Variants in ATG4B observed in about 807,000 individuals in gnomAD.
ATG4B encodes the protein cysteine protease ATG4B.
ATG4B carries 29 observed loss-of-function variants against 56.6 expected under a neutral mutation model. The ratio of observed to expected loss-of-function variants is 0.51; its 90% confidence interval spans 0.38 to 0.70. ATG4B has a LOEUF of 0.70. Among genes scored for constraint, ATG4B ranks in the 30% least tolerant of loss-of-function variants. The probability of loss-of-function intolerance (pLI) is 0.00; values close to 1 mark genes in which losing one functional copy is unlikely to be tolerated. For synonymous variants in ATG4B, 224 were observed against 206.1 expected (o/e 1.09, Z -0.74); for missense variants, 461 against 515.5 (o/e 0.89, Z 1.02).
chr2:241,659,216 G>A (rs2068513140), intron 7 of ATG4B, 29 bp downstream of exon 7: 2 of 1,598,512 alleles, frequency 1.3e-6, no homozygotes, highest in Non-Finnish European at 1.7e-6. Context: ...CCATGGACAA[G>A]AAAGTTGAAA....
chr2:241,644,667 C>T (rs1208402840), intron 1 of ATG4B, among the ~76,000 whole-genome samples: 2 of 151,940 alleles, frequency 1.3e-5, no homozygotes, highest in African/African-American at 2.4e-5. Flanking sequence ...TCAGAAGTGT[C>T]GGCCGGTTGC....
Position 241,673,134 on chromosome 2 carries a change from A to G in ATG4B, c.*870A>G, listed in dbSNP as rs1457406104. The G allele has an allele frequency of 1.1e-5, 2 of 187,512 alleles. No homozygotes were observed. The highest frequency in any genetic ancestry group is 2.3e-5 in the Non-Finnish European group (2 of 88,166). The allele number at this position is 187,512 out of a possible 1,614,324, so 11.6% of individuals were successfully genotyped here. A position where few individuals can be genotyped will look rare whatever the true frequency, so the allele number is the denominator to read the frequency against. ...CCTTCCCCATGTCCTTGCCTTGCTG[A>G]GAATTGCCCTCCCATGCCGCTGAGG... is the stretch of plus-strand genomic sequence containing the variant. On this transcript the variant is annotated 3_prime_UTR_variant, in exon 13 of 13. Coordinates refer to ENST00000404914, the MANE Select transcript of ATG4B (RefSeq NM_013325.5).
intron 1 of ATG4B, among the ~76,000 whole-genome samples, chr2:241,647,244 A>G (rs2068089216): frequency 6.6e-6 from 1 of 152,010 alleles, no homozygotes; most frequent in Non-Finnish European, 1.5e-5. Flanking sequence ...TTTAGTTCAA[A>G]GCTGGTGCCT....
At chr2:241,666,488 T>C (rs1367680197) in intron 7 of ATG4B, 157 bp from the exon 8 acceptor site, 17 of 756,088 alleles carry the variant, frequency 2.2e-5, no homozygotes, top group Middle Eastern at 2.4e-4. Context: ...GAAAAAATTT[T>C]CTTACGCTTT....
At chr2:241,646,279 G>T (rs1016649851) in intron 1 of ATG4B, among the ~76,000 whole-genome samples, 1 of 152,188 alleles carries the variant, frequency 6.6e-6, no homozygotes, top group African/African-American at 2.4e-5. Context: ...TTCAGAGGGA[G>T]CCTTTTTCCT....
intron 3 of ATG4B, among the ~76,000 whole-genome samples, chr2:241,653,089 A>G (rs2068270433): frequency 3.3e-5 from 5 of 152,256 alleles, no homozygotes; most frequent in Admixed American, 6.5e-5. Context: ...CTGTGCTGGA[A>G]GGGCTGAGTT....
At chr2:241,643,302 T>G (rs2067957792) in intron 1 of ATG4B, among the ~76,000 whole-genome samples, 4 of 151,428 alleles carry the variant, frequency 2.6e-5, no homozygotes, top group African/African-American at 9.7e-5. Context: ...CCTCCTGGGC[T>G]CAAGTGATCT....
chr2:241,645,813 G>C (rs2068044377), intron 1 of ATG4B, among the ~76,000 whole-genome samples: 1 of 152,126 alleles, frequency 6.6e-6, no homozygotes, highest in Non-Finnish European at 1.5e-5. Context: ...ACTAGCCCTA[G>C]GGGAATGTAT....
At chr2:241,662,261 A>G (rs986588169) in intron 7 of ATG4B, among the ~76,000 whole-genome samples, 1 of 152,204 alleles carries the variant, frequency 6.6e-6, no homozygotes, top group Admixed American at 6.5e-5. Context: ...TCCAAATAAT[A>G]GTATCACTAC....
At chr2:241,659,651 C>A (rs560819749) in intron 7 of ATG4B, 1 of 298,174 alleles carries the variant, frequency 3.4e-6, no homozygotes, top group South Asian at 2.9e-5. Context: ...GGAACCTGGG[C>A]GTGGCAACAT....
Position 241,659,085 on chromosome 2 carries a change from G to A in ATG4B, c.459-23G>A, listed in dbSNP as rs1349276975. 3 of 1,563,772 alleles carry A rather than the reference G, an allele frequency of 1.9e-6. No homozygotes were observed. The Admixed American group carries it at 5.3e-5, about 28-fold the overall frequency. ...GTCTTTGAATTGTACAAAAGCTTAT[G>A]GTCATTCTCCTACTCTCTGTAGGAA... On this transcript the variant is annotated intron_variant, in intron 6 of 12. Coordinates refer to ENST00000404914, the MANE Select transcript of ATG4B (RefSeq NM_013325.5).
At chr2:241,646,368 C>G (rs1226144379) in intron 1 of ATG4B, among the ~76,000 whole-genome samples, 1 of 152,162 alleles carries the variant, frequency 6.6e-6, no homozygotes, top group African/African-American at 2.4e-5. Context: ...CTAGAAGTTT[C>G]TCAGCTTCCA....
intron 10 of ATG4B, among the ~76,000 whole-genome samples, chr2:241,669,465 G>A (rs1414478188): frequency 6.6e-6 from 1 of 152,226 alleles, no homozygotes; most frequent in African/African-American, 2.4e-5. Flanking sequence ...CAGGGTGGCA[G>A]TAGTGGGGAA....
chr2:241,660,442 A>G (rs1390003196), intron 7 of ATG4B, among the ~76,000 whole-genome samples: 1 of 152,208 alleles, frequency 6.6e-6, no homozygotes, highest in Non-Finnish European at 1.5e-5. Context: ...CTTCTGCAGC[A>G]TTGAGAGCTT....
chr2:241,673,126 C>T lies in ATG4B; in HGVS notation c.*862C>T. 1 of 189,840 alleles carries T rather than the reference C, an allele frequency of 5.3e-6. No individual in the cohort carries two copies. The highest frequency in any genetic ancestry group is 1.1e-5 in the Non-Finnish European group (1 of 89,368). 11.8% of individuals were successfully genotyped at this position (189,840 alleles called of 1,614,324 possible). A position where few individuals can be genotyped will look rare whatever the true frequency, so the allele number is the denominator to read the frequency against. On this transcript the variant is annotated 3_prime_UTR_variant, in exon 13 of 13. Transcript: ENST00000404914. ...CCCAGGAGCCTTCCCCATGTCCTTG[C>T]CTTGCTGAGAATTGCCCTCCCATGC...
chr2:241,641,631 G>A (rs191477354), intron 1 of ATG4B, among the ~76,000 whole-genome samples: 40 of 152,242 alleles, frequency 2.6e-4, no homozygotes, highest in African/African-American at 6.5e-4. Flanking sequence ...TGCGAGTTTG[G>A]ATTTATGTGT....
At chr2:241,654,288 A>G (rs6437274) in intron 4 of ATG4B, among the ~76,000 whole-genome samples, 38,245 of 151,528 alleles carry the variant, frequency 0.25, 5,309 homozygotes, top group East Asian at 0.37. Context: ...AGGCTTGGTG[A>G]CATGTGCCTG....
intron 8 of ATG4B, among the ~76,000 whole-genome samples, chr2:241,667,344 G>A (rs2068810263): frequency 1.3e-5 from 2 of 152,116 alleles, no homozygotes; most frequent in East Asian, 1.9e-4. Context: ...GGTGGCTCAT[G>A]ACTGTAATCC....
intron 3 of ATG4B, 141 bp from the exon 4 acceptor site, chr2:241,653,371 T>C: frequency 6.5e-7 from 1 of 1,550,266 alleles, no homozygotes; most frequent in African/African-American, 1.4e-5. Flanking sequence ...TCCTAAGAGG[T>C]GTGTGTTGCC....
Sources: gnomAD v4.1 joint callset for allele counts (sites outside exome capture counted in the v4.1 genomes callset) on GRCh38, gnomAD v4.1.1 for gene constraint, MANE v1.5 for transcripts, NCBI Gene and HGNC (gene_info 2026-07-23, HGNC 2026-07-21) for gene names.